Variants in CDK10 observed in about 807,000 individuals in gnomAD.
The protein encoded by CDK10 is cyclin-dependent kinase 10.
Under a neutral mutation model 51.0 loss-of-function variants are expected in CDK10, and 55 were observed. That is an observed-to-expected ratio of 1.08 (90% CI 0.87 to 1.35). The LOEUF (loss-of-function observed/expected upper bound fraction) is 1.35. CDK10 is among the 40% of genes most tolerant of loss of function. CDK10 has a pLI of 0.00. For missense variants in CDK10, 589 were observed against 485.1 expected, an observed-to-expected ratio of 1.21 and a Z score of -2.01; for synonymous variants, 255 against 199.1, an observed-to-expected ratio of 1.28 and a Z score of -2.36.
chr16:89,695,585 C>G lies in CDK10; in HGVS notation c.986-10C>G. 1 of 1,598,486 alleles carries G rather than the reference C, an allele frequency of 6.3e-7. No individual in the cohort carries two copies. The highest frequency in any genetic ancestry group is 8.5e-7 in the Non-Finnish European group (1 of 1,174,460). On this transcript the variant is annotated splice_polypyrimidine_tract_variant and intron_variant, in intron 12 of 12. Transcript: ENST00000353379. Reference sequence around the variant, plus strand: ...CTGCCCCGCCCAGCACTGAACCCTTCTCCCTGCAGCCTGTGAGCCGGAGCT... The same window carrying G: ...CTGCCCCGCCCAGCACTGAACCCTTGTCCCTGCAGCCTGTGAGCCGGAGCT...
chr16:89,689,361 G>T (rs372025397), intron 2 of CDK10, 37 bp downstream of exon 2: 15 of 1,585,260 alleles, frequency 9.5e-6, no homozygotes, highest in African/African-American at 1.3e-5. Flanking sequence ...GCCGCAGCTC[G>T]TGGCTGTGAC....
At chr16:89,691,990 T>C in intron 5 of CDK10, 103 bp downstream of exon 5, 1 of 868,914 alleles carries the variant, frequency 1.2e-6, no homozygotes, top group Non-Finnish European at 1.8e-6. Flanking sequence ...GAGCTGCTGC[T>C]GCCTCTGCCT....
In CDK10 at chr16:89,695,647, C is replaced by A; in HGVS notation, c.1038C>A (p.Ala346=). Residue 346 remains alanine, a synonymous_variant, in exon 13 of 13, where the codon GCC becomes GCA. Coordinates refer to ENST00000353379, the MANE Select transcript of CDK10 (RefSeq NM_052988.5). The stretch of plus-strand genomic sequence containing the variant: ...TTCCCCACCACCGCAACAAGCGGGC[C>A]GCCCCAGCCACCTCCGAGGGCCAGA... ...PTFPHHRNKR[A]APATSEGQSK... The A allele has an allele frequency of 6.2e-7, 1 of 1,604,830 alleles. No homozygotes were observed. Among genetic ancestry groups the A allele is most frequent in the Non-Finnish European group, 8.5e-7 (1 of 1,177,344 alleles).
At position 89,686,747 on chromosome 16, in the gene CDK10, C is replaced by A. The variant is rs755709166; in HGVS notation, c.37C>A (p.Leu13Met). The change falls in exon 1 of 13, where the codon CTG (leucine) becomes ATG (methionine). Residue 13 changes from leucine (L) to methionine (M), a missense_variant. Transcript: ENST00000353379. ...EPDLECEQIR[L>M]KCIRKEGFFT... ...AGATCTGGAGTGCGAGCAGATCCGTCTGAAGTGTATTCGTAAGGAGGGCTT... is the reference window on the plus strand; with the variant it reads ...AGATCTGGAGTGCGAGCAGATCCGTATGAAGTGTATTCGTAAGGAGGGCTT... The A allele has an allele frequency of 8.7e-6, 14 of 1,612,336 alleles. No individual in the cohort carries two copies. The East Asian group carries it at 2.0e-4, about 23-fold the overall frequency.
chr16:89,686,887 C>A, intron 1 of CDK10, 90 bp downstream of exon 1: 1 of 1,118,590 alleles, frequency 8.9e-7, no homozygotes, highest in African/African-American at 1.6e-5. Context: ...CGCTGCCGCG[C>A]CGAGGCTTCC....
At chr16:89,691,344 C>A in intron 3 of CDK10, 99 bp from the exon 4 acceptor site, 2 of 806,610 alleles carry the variant, frequency 2.5e-6, no homozygotes, top group South Asian at 1.8e-5. Context: ...GACACTGCAG[C>A]ACCTGCTATC....
At chr16:89,695,143 T>C in intron 11 of CDK10, 73 bp downstream of exon 11, 1 of 1,560,586 alleles carries the variant, frequency 6.4e-7, no homozygotes. Flanking sequence ...GAGCCCAGCC[T>C]CACTGCGGTG....
rs1192044661 is a variant in CDK10 at position 89,695,005 on chromosome 16, C to T, written c.867C>T (p.Phe289=). 2 of 1,613,424 alleles carry T rather than the reference C, an allele frequency of 1.2e-6. No homozygotes were observed. Among genetic ancestry groups the T allele is most frequent in the Non-Finnish European group, 1.7e-6 (2 of 1,180,026 alleles). ...KQPYNNLKHK[F]PWLSEAGLRL... The stretch of plus-strand genomic sequence containing the variant: ...CCTACAACAACCTGAAGCACAAGTT[C>T]CCATGGCTGTCGGAGGCCGGGCTGC... Residue 289 remains phenylalanine (F), a synonymous_variant, in exon 11 of 13, where the codon TTC becomes TTT. Coordinates refer to ENST00000353379, the MANE Select transcript of CDK10 (RefSeq NM_052988.5).
chr16:89,695,165 C>G (rs756687313), intron 11 of CDK10, 95 bp downstream of exon 11: 6 of 1,544,164 alleles, frequency 3.9e-6, no homozygotes, highest in Non-Finnish European at 5.3e-6. Flanking sequence ...AGAGGCCCCT[C>G]CCCAGGCACA....
rs768664935 is a variant in CDK10 at position 89,695,823 on chromosome 16, A to G, written c.*131A>G. ...ATCCCCTTGGCTGGGAACATCCTCC[A>G]CTGACTTCCTCCCACTGTCTGCCCT... On this transcript the variant is annotated 3_prime_UTR_variant, in exon 13 of 13. Coordinates refer to ENST00000353379, the MANE Select transcript of CDK10 (RefSeq NM_052988.5). 2.6e-6 allele frequency: 4 copies of G among 1,540,390 alleles called. No individual in the cohort carries two copies. The South Asian group carries it at 4.7e-5, about 18-fold the overall frequency.
In CDK10 at chr16:89,694,683, G is replaced by C. The variant is rs1226921851; in HGVS notation, c.687G>C (p.Leu229=). ...SIDMWAVGCI[L]AELLAHRPLL... ...TCTGCAGGGCTGTGGGCTGCATACT[G>C]GCCGAGCTGCTGGCGCACAGGCCTC... The change falls in exon 10 of 13, where the codon CTG becomes CTC. Residue 229 remains leucine, a synonymous_variant. Coordinates refer to ENST00000353379, the MANE Select transcript of CDK10 (RefSeq NM_052988.5). 6.3e-7 allele frequency: 1 copy of C among 1,589,654 alleles called. No homozygotes were observed. The highest frequency in any genetic ancestry group is 8.6e-7 in the Non-Finnish European group (1 of 1,169,020).
At chr16:89,687,507 T>G (rs2060247345) in intron 1 of CDK10, 1 of 456,220 alleles carries the variant, frequency 2.2e-6, no homozygotes, top group Non-Finnish European at 4.4e-6. Flanking sequence ...CAGCAGGCGC[T>G]CACCGCGTTG....
chr16:89,695,819 C>T lies in CDK10; in HGVS notation c.*127C>T. On this transcript the variant is annotated 3_prime_UTR_variant, in exon 13 of 13. Transcript: ENST00000353379. ...GCTCATCCCCTTGGCTGGGAACATC[C>T]TCCACTGACTTCCTCCCACTGTCTG... The T allele has an allele frequency of 6.5e-7, 1 of 1,543,454 alleles. No individual in the cohort carries two copies. Among genetic ancestry groups the T allele is most frequent in the Non-Finnish European group, 8.7e-7 (1 of 1,146,596 alleles).
At position 89,690,642 on chromosome 16, in the gene CDK10, G is replaced by T. The variant is rs1034426287; in HGVS notation, c.232+18G>T. ...GAAGGATGGTGAGCAGGAAATTGGGGTGTTGGGACCTCGCACTGGGAGGAG... is the reference window on the plus strand; with the variant it reads ...GAAGGATGGTGAGCAGGAAATTGGGTTGTTGGGACCTCGCACTGGGAGGAG... On this transcript the variant is annotated intron_variant, in intron 3 of 12. Coordinates refer to ENST00000353379, the MANE Select transcript of CDK10 (RefSeq NM_052988.5). 6.2e-7 allele frequency: 1 copy of T among 1,607,718 alleles called. No homozygotes were observed. Among genetic ancestry groups the T allele is most frequent in the African/African-American group, 1.3e-5 (1 of 74,906 alleles).
rs143430910 is a variant in CDK10, at chr16:89,691,877, C to T, written c.407C>T (p.Ser136Leu). ...SLLENMPTPFSEAQVKCIVLQ... is the reference protein window; with the variant it reads ...SLLENMPTPFLEAQVKCIVLQ... ...CTGGAGAATATGCCAACACCCTTCT[C>T]GGAGGCTCAGGTGCGTGGCAGAGGG... The change falls in exon 5 of 13, where the codon TCG becomes TTG. Residue 136 changes from serine to leucine, a missense_variant. Coordinates refer to ENST00000353379, the MANE Select transcript of CDK10 (RefSeq NM_052988.5). 429 of 1,613,822 alleles carry T rather than the reference C, an allele frequency of 2.7e-4. No individual in the cohort carries two copies. The highest frequency in any genetic ancestry group is 3.2e-4 in the Non-Finnish European group (372 of 1,179,940).
intron 1 of CDK10, chr16:89,687,511 C>T (rs759986409): frequency 3.7e-5 from 17 of 456,092 alleles, no homozygotes; most frequent in South Asian, 2.5e-4. Flanking sequence ...AGGCGCTCAC[C>T]GCGTTGAGAG....
At position 89,694,700 on chromosome 16, in the gene CDK10, A is replaced by G; in HGVS notation, c.704A>G (p.His235Arg). The stretch of plus-strand genomic sequence containing the variant: ...TGCATACTGGCCGAGCTGCTGGCGC[A>G]CAGGCCTCTTCTCCCCGGCACTTCC... ...VGCILAELLA[H>R]RPLLPGTSEI... is the part of the protein sequence containing the mutation. The change falls in exon 10 of 13, where the codon CAC (histidine) becomes CGC (arginine). Residue 235 changes from histidine to arginine, a missense_variant. By Grantham distance (29) the His-to-Arg change is conservative (BLOSUM62 0). Transcript: ENST00000353379. 6.3e-7 allele frequency: 1 copy of G among 1,588,042 alleles called. No individual in the cohort carries two copies. The highest frequency in any genetic ancestry group is 8.6e-7 in the Non-Finnish European group (1 of 1,167,924).
Position 89,695,046 on chromosome 16 carries a change from T to C in CDK10, c.908T>C (p.Leu303Pro). 6.2e-7 allele frequency: 1 copy of C among 1,613,150 alleles called. No homozygotes were observed. Among genetic ancestry groups the C allele is most frequent in the Non-Finnish European group, 8.5e-7 (1 of 1,180,000 alleles). ...SEAGLRLLHF[L>P]FMYDPKKRAT... is the part of the protein sequence containing the mutation. ...GCCGGGCTGCGCCTGCTGCACTTCCTGTTCATGTACGACCCTAAGAAAAGG... is the reference window on the plus strand; with the variant it reads ...GCCGGGCTGCGCCTGCTGCACTTCCCGTTCATGTACGACCCTAAGAAAAGG... The change falls in exon 11 of 13, where the codon CTG becomes CCG. Residue 303 changes from leucine (L) to proline (P), a missense_variant. Physicochemically the swap from Leu to Pro is moderately conservative, Grantham distance 98. Coordinates refer to ENST00000353379, the MANE Select transcript of CDK10 (RefSeq NM_052988.5).
chr16:89,695,824 C>T lies in CDK10; in HGVS notation c.*132C>T, dbSNP rs541457248. The T allele has an allele frequency of 7.2e-6, 11 of 1,538,424 alleles. No individual in the cohort carries two copies. Among genetic ancestry groups the T allele is most frequent in the African/African-American group, 1.4e-5 (1 of 73,384 alleles). ...TCCCCTTGGCTGGGAACATCCTCCA[C>T]TGACTTCCTCCCACTGTCTGCCCTG... On this transcript the variant is annotated 3_prime_UTR_variant, in exon 13 of 13. Transcript: ENST00000353379.
Sources: allele counts gnomAD v4.1 joint callset, GRCh38; gene constraint gnomAD v4.1.1; transcripts MANE v1.5; gene names NCBI Gene and HGNC (gene_info 2026-07-23, HGNC 2026-07-21).